The following GDF9 variants were observed in gnomAD, a reference collection of about 807,000 sequenced individuals.
The protein encoded by GDF9 is growth differentiation factor 9.
A neutral mutation model predicts 33.8 loss-of-function variants in GDF9; 30 were observed. That is an observed-to-expected ratio of 0.89 (90% CI 0.66 to 1.20). The LOEUF is 1.20. GDF9 is among the 50% of genes most tolerant of loss of function. The pLI is 0.00. For synonymous variants in GDF9, 205 were observed against 200.7 expected (o/e 1.02, Z -0.18); for missense variants, 556 against 543.7 (o/e 1.02, Z -0.22).
Position 132,864,268 on chromosome 5 carries a change from A to G in GDF9, c.266T>C (p.Met89Thr). ...AGCATATGTCTTATAGAGCTTCTTC[A>G]TGTAGTGCAAAGCTCTGGAGTCTGG... The part of the protein sequence containing the change: ...LQPDSRALHY[M>T]KKLYKTYATK... The change falls in exon 1 of 2, where the codon ATG becomes ACG. Residue 89 changes from methionine to threonine, a missense_variant. Physicochemically the swap from Met to Thr is moderately conservative, Grantham distance 81 (BLOSUM62 -1). Transcript: ENST00000687138. The G allele has an allele frequency of 6.2e-7, 1 of 1,614,190 alleles. No individual in the cohort carries two copies. Among genetic ancestry groups the G allele is most frequent in the Non-Finnish European group, 8.5e-7 (1 of 1,180,012 alleles).
In GDF9 at chr5:132,864,419, C is replaced by T. The variant is rs761281745; in HGVS notation, c.115G>A (p.Glu39Lys). The T allele has an allele frequency of 5.0e-6, 8 of 1,613,594 alleles. No homozygotes were observed. The highest frequency in any genetic ancestry group is 5.9e-6 in the Non-Finnish European group (7 of 1,179,798). The change falls in exon 1 of 2, where the codon GAG (glutamate) becomes AAG (lysine). Residue 39 changes from glutamate to lysine, a missense_variant. Physicochemically the swap from Glu to Lys is moderately conservative, Grantham distance 56. Coordinates refer to ENST00000687138, the MANE Select transcript of GDF9 (RefSeq NM_005260.7). ...GGEAQIAASAELESGAMPWSL... is the reference protein window; with the variant it reads ...GGEAQIAASAKLESGAMPWSL... The stretch of plus-strand genomic sequence containing the variant: ...CAAGGCATAGCCCCAGATTCCAACT[C>T]AGCACTAGCAGCAATCTGAGCTTCT...
Position 132,864,277 on chromosome 5 carries a change from A to C in GDF9, c.257T>G (p.Leu86Trp). ...SPRLQPDSRALHYMKKLYKTY... is the reference protein window; with the variant it reads ...SPRLQPDSRAWHYMKKLYKTY... Reference sequence around the variant, plus strand: ...CTTATAGAGCTTCTTCATGTAGTGCAAAGCTCTGGAGTCTGGCTGCAGCCT... The same window carrying C: ...CTTATAGAGCTTCTTCATGTAGTGCCAAGCTCTGGAGTCTGGCTGCAGCCT... The change falls in exon 1 of 2, where the codon TTG (leucine) becomes TGG (tryptophan). Residue 86 changes from leucine (L) to tryptophan (W), a missense_variant. Coordinates refer to ENST00000687138, the MANE Select transcript of GDF9 (RefSeq NM_005260.7). 6.2e-7 allele frequency: 1 copy of C among 1,614,226 alleles called. No homozygotes were observed. The highest frequency in any genetic ancestry group is 8.5e-7 in the Non-Finnish European group (1 of 1,180,042).
chr5:132,864,588 G>A lies in GDF9; in HGVS notation c.-55C>T, dbSNP rs1759487993. 1.3e-6 allele frequency: 2 copies of A among 1,564,974 alleles called. No individual in the cohort carries two copies. Among genetic ancestry groups the A allele is most frequent in the Non-Finnish European group, 1.7e-6 (2 of 1,148,672 alleles). ...TCTCCATGCCAGTCCTCTTCCTAAA[G>A]GCCAGGAAGAGCCTAGCTTGGTCTC... On this transcript the variant is annotated 5_prime_UTR_variant, in exon 1 of 2. Transcript: ENST00000687138.
In GDF9 at chr5:132,861,465, C is replaced by T. The variant is rs557799602; in HGVS notation, c.*124G>A. 59 of 833,406 alleles carry T rather than the reference C, an allele frequency of 7.1e-5. No individual in the cohort carries two copies. In the Admixed American group the frequency reaches 8.1e-4, roughly 12 times the overall value. The allele number at this position is 833,406 out of a possible 1,614,324, so 51.6% of individuals were successfully genotyped here. A position where few individuals can be genotyped will look rare whatever the true frequency, so the allele number is the denominator to read the frequency against. On this transcript the variant is annotated 3_prime_UTR_variant, in exon 2 of 2. Coordinates refer to ENST00000687138, the MANE Select transcript of GDF9 (RefSeq NM_005260.7). ...CATAGAAGGTACTAACCTACACAGG[C>T]TCCTCTTTATATAACATATGCTACA...
chr5:132,864,603 A>G lies in GDF9; in HGVS notation c.-70T>C. Reference sequence around the variant, plus strand: ...TCTTCCTAAAGGCCAGGAAGAGCCTAGCTTGGTCTCTTAAATAAATTTCAG... The same window carrying G: ...TCTTCCTAAAGGCCAGGAAGAGCCTGGCTTGGTCTCTTAAATAAATTTCAG... On this transcript the variant is annotated 5_prime_UTR_variant, in exon 1 of 2. Coordinates refer to ENST00000687138, the MANE Select transcript of GDF9 (RefSeq NM_005260.7). 1 of 1,518,888 alleles carries G rather than the reference A, an allele frequency of 6.6e-7. No individual in the cohort carries two copies. The highest frequency in any genetic ancestry group is 2.2e-5 in the East Asian group (1 of 44,530). The allele number at this position is 1,518,888 out of a possible 1,614,324, so 94.1% of individuals were successfully genotyped here.
Position 132,862,567 on chromosome 5 carries a change from A to G in GDF9, c.398-11T>C. The G allele has an allele frequency of 3.1e-6, 5 of 1,599,662 alleles. No homozygotes were observed. Among genetic ancestry groups the G allele is most frequent in the Non-Finnish European group, 4.2e-6 (5 of 1,176,772 alleles). ...CTGATGGAAGGATTCCTAAGAAGAA[A>G]AAAAATCTACCAGTAGTGCTTGAAA... On this transcript the variant is annotated splice_polypyrimidine_tract_variant and intron_variant, in intron 1 of 1. Coordinates refer to ENST00000687138, the MANE Select transcript of GDF9 (RefSeq NM_005260.7).
intron 1 of GDF9, 134 bp downstream of exon 1, chr5:132,864,003 T>C: frequency 1.1e-6 from 1 of 946,606 alleles, no homozygotes. Flanking sequence ...CCCAGATTTG[T>C]TTCAACTGGA....
In GDF9 at chr5:132,861,608, G is replaced by T. The variant is rs1408462963; in HGVS notation, c.1346C>A (p.Thr449Lys). 6.2e-6 allele frequency: 10 copies of T among 1,613,592 alleles called. No homozygotes were observed. Among genetic ancestry groups the T allele is most frequent in the Non-Finnish European group, 7.6e-6 (9 of 1,179,442 alleles). Reference sequence around the variant, plus strand: ...CATTTGTTAACGACAGGTGCACTTTGTAGCTATCATATCTTCGTACTCTTT... The same window carrying T: ...CATTTGTTAACGACAGGTGCACTTTTTAGCTATCATATCTTCGTACTCTTT... Reference protein sequence around the residue: ...AYKEYEDMIATKCTCR With the variant: ...AYKEYEDMIAKKCTCR Residue 449 changes from threonine to lysine, a missense_variant, in exon 2 of 2, where the codon ACA becomes AAA. Transcript: ENST00000687138.
In GDF9 at chr5:132,862,371, A is replaced by G; in HGVS notation, c.583T>C (p.Tyr195His). The change falls in exon 2 of 2, where the codon TAC becomes CAC. Residue 195 changes from tyrosine to histidine, a missense_variant. By Grantham distance (83) the Tyr-to-His change is moderately conservative (BLOSUM62 2). Coordinates refer to ENST00000687138, the MANE Select transcript of GDF9 (RefSeq NM_005260.7). The part of the protein sequence containing the change: ...SSSRTLGRAP[Y>H]SFTFNSQFEF... ...AACTGTGAGTTAAAGGTAAATGAGT[A>G]TGGAGCTCTGCCGAGAGTCCTGCTA... The G allele has an allele frequency of 1.2e-6, 2 of 1,613,930 alleles. No individual in the cohort carries two copies. The highest frequency in any genetic ancestry group is 2.2e-5 in the South Asian group (2 of 91,084).
In GDF9 at chr5:132,864,439, G is replaced by C; in HGVS notation, c.95C>G (p.Ala32Gly). The C allele has an allele frequency of 6.2e-7, 1 of 1,613,880 alleles. No individual in the cohort carries two copies. Among genetic ancestry groups the C allele is most frequent in the South Asian group, 1.1e-5 (1 of 91,042 alleles). Residue 32 changes from alanine (A) to glycine (G), a missense_variant, in exon 1 of 2, where the codon GCT (alanine) becomes GGT (glycine). Physicochemically the swap from Ala to Gly is moderately conservative, Grantham distance 60 (BLOSUM62 0). Transcript: ENST00000687138. ...CAACTCAGCACTAGCAGCAATCTGAGCTTCTCCCCCAGAAGCCTGAGAACC... is the reference window on the plus strand; with the variant it reads ...CAACTCAGCACTAGCAGCAATCTGACCTTCTCCCCCAGAAGCCTGAGAACC... ...SLGSQASGGE[A>G]QIAASAELES...
chr5:132,865,875 T>G lies in GDF9; in HGVS notation c.-1342A>C, dbSNP rs561588491. On this transcript the variant is annotated 5_prime_UTR_variant, in exon 1 of 2. Transcript: ENST00000687138. ...AGGCCTCTCACCCGACTTTCCTTGC[T>G]TCTCACGTGGGGAGAAGAAAGAACT... Among the ~76,000 whole-genome samples the G allele has an allele frequency of 6.6e-6, 1 of 152,276 alleles. No homozygotes were observed. Among genetic ancestry groups the G allele is most frequent in the Non-Finnish European group, 1.5e-5 (1 of 68,012 alleles).
rs1759477233 is a variant in GDF9, at chr5:132,864,482, A to G, written c.52T>C (p.Cys18Arg). Reference sequence around the variant, plus strand: ...TGAGAACCAAGGCTAATAGGAAAACACAGCCAGGCAAAGCAGCAAAACCAA... The same window carrying G: ...TGAGAACCAAGGCTAATAGGAAAACGCAGCCAGGCAAAGCAGCAAAACCAA... ...LLWFCCFAWL[C>R]FPISLGSQAS... The change falls in exon 1 of 2, where the codon TGT becomes CGT. Residue 18 changes from cysteine (C) to arginine (R), a missense_variant. Coordinates refer to ENST00000687138, the MANE Select transcript of GDF9 (RefSeq NM_005260.7). 6.2e-7 allele frequency: 1 copy of G among 1,613,112 alleles called. No individual in the cohort carries two copies. Among genetic ancestry groups the G allele is most frequent in the Non-Finnish European group, 8.5e-7 (1 of 1,180,014 alleles).
rs968577479 is a variant in GDF9 at position 132,864,845 on chromosome 5, A to T, written c.-312T>A. The T allele has an allele frequency of 9.1e-6, 3 of 329,138 alleles. No homozygotes were observed. Among genetic ancestry groups the T allele is most frequent in the Non-Finnish European group, 1.1e-5 (2 of 180,006 alleles). 20.4% of individuals were successfully genotyped at this position (329,138 alleles called of 1,614,324 possible). A position where few individuals can be genotyped will look rare whatever the true frequency, so the allele number is the denominator to read the frequency against. On this transcript the variant is annotated 5_prime_UTR_variant, in exon 1 of 2. Coordinates refer to ENST00000687138, the MANE Select transcript of GDF9 (RefSeq NM_005260.7). Reference sequence around the variant, plus strand: ...CTACCGGACTAACTATGTAGCTGAAAGTCTAAGATAAATTGAGGAATGATC... The same window carrying T: ...CTACCGGACTAACTATGTAGCTGAATGTCTAAGATAAATTGAGGAATGATC...
At position 132,862,125 on chromosome 5, in the gene GDF9, T is replaced by C. The variant is rs773874762; in HGVS notation, c.829A>G (p.Ser277Gly). ...CTTTTATAGTGAAGGGAATACCAGC[T>C]GTGATAAGCCTGAGCACTTGTGTCA... ...LNDTSAQAYH[S>G]WYSLHYKRRP... The change falls in exon 2 of 2, where the codon AGC (serine) becomes GGC (glycine). Residue 277 changes from serine (S) to glycine (G), a missense_variant. By Grantham distance (56) the Ser-to-Gly change is moderately conservative. Transcript: ENST00000687138. The C allele has an allele frequency of 1.4e-5, 23 of 1,613,356 alleles. No individual in the cohort carries two copies. The highest frequency in any genetic ancestry group is 1.9e-5 in the Non-Finnish European group (22 of 1,179,280).
chr5:132,864,283 C>T lies in GDF9; in HGVS notation c.251G>A (p.Arg84Lys). 1 of 1,614,218 alleles carries T rather than the reference C, an allele frequency of 6.2e-7. No homozygotes were observed. Among genetic ancestry groups the T allele is most frequent in the African/African-American group, 1.3e-5 (1 of 75,046 alleles). ...GAGCTTCTTCATGTAGTGCAAAGCTCTGGAGTCTGGCTGCAGCCTAGGTGA... is the reference window on the plus strand; with the variant it reads ...GAGCTTCTTCATGTAGTGCAAAGCTTTGGAGTCTGGCTGCAGCCTAGGTGA... ...GGSPRLQPDS[R>K]ALHYMKKLYK... Residue 84 changes from arginine to lysine, a missense_variant, in exon 1 of 2, where the codon AGA (arginine) becomes AAA (lysine). Arg to Lys is a conservative substitution (Grantham distance 26). Transcript: ENST00000687138.
At position 132,861,652 on chromosome 5, in the gene GDF9, G is replaced by T. The variant is rs141444900; in HGVS notation, c.1302C>A (p.Pro434=). 5 of 1,600,722 alleles carry T rather than the reference G, an allele frequency of 3.1e-6. No homozygotes were observed. The highest frequency in any genetic ancestry group is 3.4e-6 in the Non-Finnish European group (4 of 1,167,764). Residue 434 remains proline (P), a synonymous_variant, in exon 2 of 2, where the codon CCC becomes CCA. Transcript: ENST00000687138. ...ACTCTTTATAGGCAATTGAGCCATC[G>T]GGCTCAATGGTCAAAACACTCAAGG... ...YSPLSVLTIE[P]DGSIAYKEYE... is the part of the protein sequence containing the mutation.
chr5:132,864,075 T>C (rs891284950), intron 1 of GDF9, 62 bp downstream of exon 1: 22 of 1,528,814 alleles, frequency 1.4e-5, no homozygotes, highest in South Asian at 3.4e-5. Flanking sequence ...CTTTCTGTAA[T>C]TGAAATGCAG....
Position 132,861,729 on chromosome 5 carries a change from T to A in GDF9, c.1225A>T (p.Lys409Ter). 1 of 1,612,188 alleles carries A rather than the reference T, an allele frequency of 6.2e-7. No individual in the cohort carries two copies. The highest frequency in any genetic ancestry group is 8.5e-7 in the Non-Finnish European group (1 of 1,178,158). Reference sequence around the variant, plus strand: ...GGTCTTGGCACTGAGGAGTCCAGCTTCTCATAGATGATGTTCTGTACCATG... The same window carrying A: ...GGTCTTGGCACTGAGGAGTCCAGCTACTCATAGATGATGTTCTGTACCATG... ...HTMVQNIIYEKLDSSVPRPSC... is the reference protein window; with the variant it reads ...HTMVQNIIYE The change falls in exon 2 of 2, where the codon AAG becomes TAG. Residue 409 changes from lysine (K) to a stop codon, truncating the protein, a stop_gained. Coordinates refer to ENST00000687138, the MANE Select transcript of GDF9 (RefSeq NM_005260.7). LOFTEE classifies it high-confidence loss of function.
At position 132,862,308 on chromosome 5, in the gene GDF9, C is replaced by A; in HGVS notation, c.646G>T (p.Val216Leu). The A allele has an allele frequency of 6.2e-7, 1 of 1,614,112 alleles. No homozygotes were observed. The highest frequency in any genetic ancestry group is 8.5e-7 in the Non-Finnish European group (1 of 1,180,028). Reference protein sequence around the residue: ...GKKHKWIQIDVTSLLQPLVAS... With the variant: ...GKKHKWIQIDLTSLLQPLVAS... The stretch of plus-strand genomic sequence containing the variant: ...ACTAAAGGTTGAAGGAGGCTGGTCA[C>A]ATCAATCTGAATCCATTTGTGTTTC... Residue 216 changes from valine to leucine, a missense_variant, in exon 2 of 2, where the codon GTG becomes TTG. By Grantham distance (32) the Val-to-Leu change is conservative. Transcript: ENST00000687138.
Sources: allele counts gnomAD v4.1 joint callset (sites outside exome capture counted in the v4.1 genomes callset), GRCh38; gene constraint gnomAD v4.1.1; transcripts MANE v1.5; gene names NCBI Gene and HGNC (gene_info 2026-07-23, HGNC 2026-07-21).